The following GRIP1 variants were observed in gnomAD, a reference collection of about 807,000 sequenced individuals.
GRIP1 encodes the protein glutamate receptor-interacting protein 1.
A neutral mutation model predicts 129.9 loss-of-function variants in GRIP1; 45 were observed. The ratio of observed to expected loss-of-function variants is 0.35; its 90% CI spans 0.27 to 0.44. GRIP1 has a LOEUF of 0.44. Among genes scored for constraint, GRIP1 ranks in the 20% least tolerant of loss-of-function variants. GRIP1 has a pLI of 1.00. For synonymous variants in GRIP1, 530 were observed against 520.8 expected, an observed-to-expected ratio of 1.02 and a Z score of -0.24; for missense variants, 1,196 against 1,396.8, an observed-to-expected ratio of 0.86 and a Z score of 2.29.
chr12:66,757,027 G>A (rs972841017), intron 1 of GRIP1, among the ~76,000 whole-genome samples: 4 of 152,008 alleles, frequency 2.6e-5, no homozygotes, highest in African/African-American at 9.7e-5. Context: ...AGGCATATAG[G>A]GACATCATTA....
At chr12:66,485,403 AATATAT>A (rs536988532) in intron 7 of GRIP1, among the ~76,000 whole-genome samples, 2,059 of 150,994 alleles carry the variant, frequency 0.014, 52 homozygotes, top group African/African-American at 0.047. Flanking sequence ...GTGAAAATTA[AATATAT>A]ATATATAATT....
At chr12:66,698,626 T>C (rs1026728579) in intron 1 of GRIP1, among the ~76,000 whole-genome samples, 1 of 152,158 alleles carries the variant, frequency 6.6e-6, no homozygotes, top group Non-Finnish European at 1.5e-5. Context: ...CTTCCCTGTT[T>C]CTTGTTTGTT....
rs147197924 is a variant in GRIP1, at chr12:66,506,293, G to C, written c.724+9326C>G. ...TGGCAAGCTGAAAAATACCCAAATA[G>C]TAATCAAATAAGGAAGTATTCAAAT... On this transcript the variant is annotated intron_variant, in intron 7 of 24. Coordinates refer to ENST00000359742, the MANE Select transcript of GRIP1 (RefSeq NM_001366722.1). Among the ~76,000 whole-genome samples, 3 of 152,128 alleles carry C rather than the reference G, an allele frequency of 2.0e-5. No individual in the cohort carries two copies. In the East Asian group the frequency reaches 5.8e-4, roughly 29 times the overall value.
intron 11 of GRIP1, among the ~76,000 whole-genome samples, chr12:66,454,634 C>G (rs1167800415): frequency 1.3e-5 from 2 of 152,192 alleles, no homozygotes; most frequent in Non-Finnish European, 2.9e-5. Flanking sequence ...AACCAGCTAT[C>G]CCAAAGCAAG....
At chr12:66,794,536 G>C (rs1032775010) in intron 1 of GRIP1, among the ~76,000 whole-genome samples, 15 of 152,306 alleles carry the variant, frequency 9.8e-5, no homozygotes, top group Admixed American at 2.0e-4. Flanking sequence ...GCAATGGGAA[G>C]TGTATGGGGG....
chr12:66,373,075 A>AATTT lies in GRIP1; in HGVS notation c.2779-1152_2779-1149dup, dbSNP rs563984206. Among the ~76,000 whole-genome samples, 456 of 151,946 alleles carry AATTT rather than the reference A, an allele frequency of 3.0e-3. 2 individuals carry two copies. Among genetic ancestry groups the AATTT allele is most frequent in the Non-Finnish European group, 4.8e-3 (327 of 67,926 alleles). ...TGGGGTAGGCACTGTTACTTCTCTC[A>AATTT]ATTTATTTATTTATTTATTTATTTT... On this transcript the variant is annotated intron_variant, in intron 22 of 24. Coordinates refer to ENST00000359742, the MANE Select transcript of GRIP1 (RefSeq NM_001366722.1).
intron 1 of GRIP1, among the ~76,000 whole-genome samples, chr12:66,922,795 C>T (rs1246273233): frequency 6.6e-6 from 1 of 152,152 alleles, no homozygotes; most frequent in African/African-American, 2.4e-5. Context: ...CAGCAATTAT[C>T]TTGTGAATAT....
chr12:66,879,040 A>G (rs1373900004), intron 1 of GRIP1, among the ~76,000 whole-genome samples: 1 of 152,072 alleles, frequency 6.6e-6, no homozygotes, highest in East Asian at 1.9e-4. Context: ...AATGCATTGC[A>G]TACTACATAA....
chr12:66,645,716 A>G (rs1334646790), intron 1 of GRIP1, among the ~76,000 whole-genome samples: 1 of 152,234 alleles, frequency 6.6e-6, no homozygotes, highest in South Asian at 2.1e-4. Context: ...ATTATTTTCC[A>G]AGAAAAAAAT....
chr12:66,466,364 T>C (rs2059286052), intron 7 of GRIP1, among the ~76,000 whole-genome samples: 1 of 152,168 alleles, frequency 6.6e-6, no homozygotes, highest in South Asian at 2.1e-4. Flanking sequence ...AGAATAATGA[T>C]TAGCACATCA....
intron 1 of GRIP1, among the ~76,000 whole-genome samples, chr12:66,640,981 T>C (rs2031871413): frequency 6.6e-6 from 1 of 152,086 alleles, no homozygotes. Context: ...AGAGTGCCAA[T>C]AACTTTTTTT....
intron 2 of GRIP1, among the ~76,000 whole-genome samples, chr12:66,574,559 C>G (rs2063074015): frequency 6.6e-6 from 1 of 152,224 alleles, no homozygotes; most frequent in Admixed American, 6.5e-5. Context: ...ATACGTTTAA[C>G]AGTTTTATAA....
intron 1 of GRIP1, among the ~76,000 whole-genome samples, chr12:66,843,457 C>G (rs2039756897): frequency 6.6e-6 from 1 of 151,968 alleles, no homozygotes; most frequent in African/African-American, 2.4e-5. Context: ...TGGTCAAATT[C>G]TGCAGAAAGC....
intron 22 of GRIP1, among the ~76,000 whole-genome samples, chr12:66,374,453 G>C (rs552003134): frequency 6.6e-6 from 1 of 152,122 alleles, no homozygotes; most frequent in African/African-American, 2.4e-5. Context: ...CTCCCAAAGT[G>C]CTGGGATTAC....
intron 19 of GRIP1, among the ~76,000 whole-genome samples, chr12:66,390,286 T>C (rs2056531293): frequency 6.6e-6 from 1 of 152,162 alleles, no homozygotes; most frequent in African/African-American, 2.4e-5. Flanking sequence ...CAAGAATTAA[T>C]GGGGATTAGT....
chr12:66,827,696 C>A (rs907587433), intron 1 of GRIP1, among the ~76,000 whole-genome samples: 1 of 152,050 alleles, frequency 6.6e-6, no homozygotes, highest in Non-Finnish European at 1.5e-5. Context: ...GCAAGAATGA[C>A]AATGTTGATT....
At chr12:66,797,308 T>C (rs2038728194) in intron 1 of GRIP1, among the ~76,000 whole-genome samples, 1 of 152,162 alleles carries the variant, frequency 6.6e-6, no homozygotes, top group Non-Finnish European at 1.5e-5. Context: ...AAGCGGAACG[T>C]CATCTGTCCA....
chr12:66,895,144 T>C (rs968003761), intron 1 of GRIP1, among the ~76,000 whole-genome samples: 1 of 152,234 alleles, frequency 6.6e-6, no homozygotes, highest in Non-Finnish European at 1.5e-5. Flanking sequence ...ATTGTTCAGA[T>C]GCCCTTTGAT....
At chr12:66,563,072 T>A (rs2062597876) in intron 2 of GRIP1, among the ~76,000 whole-genome samples, 1 of 151,954 alleles carries the variant, frequency 6.6e-6, no homozygotes, top group African/African-American at 2.4e-5. Context: ...AATCTGTGTT[T>A]ATGTAGACCT....
Sources: gnomAD v4.1 joint callset for allele counts (sites outside exome capture counted in the v4.1 genomes callset) on GRCh38, gnomAD v4.1.1 for gene constraint, MANE v1.5 for transcripts, NCBI Gene and HGNC (gene_info 2026-07-23, HGNC 2026-07-21) for gene names.